Variants in MDN1 observed in about 807,000 individuals in gnomAD.
MDN1 encodes the protein midasin.
A neutral mutation model predicts 669.2 loss-of-function variants in MDN1; 266 were observed. The ratio of observed to expected loss-of-function variants is 0.40; its 90% CI spans 0.36 to 0.44. MDN1 has a LOEUF of 0.44. MDN1 is among the 20% of genes least tolerant of loss of function. MDN1 has a pLI of 1.00. For missense variants in MDN1, 5,940 were observed against 6,754.0 expected (o/e 0.88, Z 4.22); for synonymous variants, 2,385 against 2,457.1 (o/e 0.97, Z 0.87).
At chr6:89,707,075 G>A (rs1045508154) in intron 52 of MDN1, among the ~76,000 whole-genome samples, 3 of 152,144 alleles carry the variant, frequency 2.0e-5, no homozygotes, top group South Asian at 2.1e-4. Flanking sequence ...GAGCATCTCC[G>A]TGTCTCCGTT....
chr6:89,806,819 TGAG>T (rs1428129763), intron 1 of MDN1, among the ~76,000 whole-genome samples: 2 of 151,390 alleles, frequency 1.3e-5, no homozygotes, highest in African/African-American at 4.9e-5. Flanking sequence ...CTCTGGAGAG[TGAG>T]GAGAGGATCA....
rs780632430 is a variant in MDN1, at chr6:89,732,551, A to G, written c.4942+6T>C. The G allele has an allele frequency of 1.2e-6, 2 of 1,613,786 alleles. No individual in the cohort carries two copies. The highest frequency in any genetic ancestry group is 2.2e-5 in the South Asian group (2 of 91,060). ...CCTTGTCCCCACCAGCTACCAGACA[A>G]CATACCTGAACCTATTCCATCTATG... On this transcript the variant is annotated splice_donor_region_variant and intron_variant, in intron 34 of 101. Coordinates refer to ENST00000369393, the MANE Select transcript of MDN1 (RefSeq NM_014611.3).
chr6:89,718,359 T>C lies in MDN1; in HGVS notation c.6583+7A>G, dbSNP rs763655609. On this transcript the variant is annotated splice_region_variant and intron_variant, in intron 43 of 101. Transcript: ENST00000369393. ...AGTTCCTGATACAGAGATCCAAATA[T>C]ACATACCTGCCTTGCAGTATGAGTT... 1.2e-6 allele frequency: 2 copies of C among 1,612,320 alleles called. No individual in the cohort carries two copies. The highest frequency in any genetic ancestry group is 2.2e-5 in the East Asian group (1 of 44,882).
chr6:89,652,085 C>G, intron 95 of MDN1, 107 bp downstream of exon 95: 1 of 801,026 alleles, frequency 1.2e-6, no homozygotes, highest in Non-Finnish European at 2.0e-6. Context: ...TATGCCTGGT[C>G]CTTTTTGTTA....
Position 89,716,859 on chromosome 6 carries a change from A to G in MDN1, c.6584-50T>C, listed in dbSNP as rs959647130. The G allele has an allele frequency of 4.7e-6, 7 of 1,488,390 alleles. No individual in the cohort carries two copies. The South Asian group carries it at 7.0e-5, about 15-fold the overall frequency. 92.2% of individuals were successfully genotyped at this position (1,488,390 alleles called of 1,614,324 possible). On this transcript the variant is annotated intron_variant, in intron 43 of 101. Transcript: ENST00000369393. The stretch of plus-strand genomic sequence containing the variant: ...CCATCCACAGCACTTAACTTCAAAC[A>G]AAGAATTAAGTTTATGAAAAGGAAG...
At chr6:89,707,280 C>T in intron 52 of MDN1, 81 bp downstream of exon 52, 1 of 970,112 alleles carries the variant, frequency 1.0e-6, no homozygotes, top group Non-Finnish European at 1.6e-6. Flanking sequence ...ACAACAGCAG[C>T]TGCTGAATAT....
chr6:89,697,873 C>T (rs985555989), intron 59 of MDN1, among the ~76,000 whole-genome samples: 1 of 152,038 alleles, frequency 6.6e-6, no homozygotes, highest in Non-Finnish European at 1.5e-5. Context: ...TGAGCTACAG[C>T]GCCTGACCAA....
rs1374504861 is a variant in MDN1, at chr6:89,688,146, T to G, written c.11287A>C (p.Ser3763Arg). Reference protein sequence around the residue: ...QLLVVMDRIRSFPLSSPISKF... With the variant: ...QLLVVMDRIRRFPLSSPISKF... ...GAGATGGGACTGGAAAGTGGGAAAC[T>G]ACGAATTCTGTCCATTACAACCAGG... The change falls in exon 67 of 102, where the codon AGT (serine) becomes CGT (arginine). Residue 3763 changes from serine to arginine, a missense_variant. By Grantham distance (110) the Ser-to-Arg change is moderately radical. Coordinates refer to ENST00000369393, the MANE Select transcript of MDN1 (RefSeq NM_014611.3). The G allele has an allele frequency of 6.2e-7, 1 of 1,613,950 alleles. No individual in the cohort carries two copies. Among genetic ancestry groups the G allele is most frequent in the Non-Finnish European group, 8.5e-7 (1 of 1,179,984 alleles).
At chr6:89,815,214 G>T in intron 1 of MDN1, 1 of 388,070 alleles carries the variant, frequency 2.6e-6, no homozygotes, top group South Asian at 2.1e-5. Flanking sequence ...GCGGGAGACT[G>T]CCTTCCAGAG....
intron 44 of MDN1, 105 bp from the exon 45 acceptor site, chr6:89,715,874 G>A (rs1814335768): frequency 1.2e-5 from 9 of 760,902 alleles, no homozygotes; most frequent in African/African-American, 5.1e-5. Flanking sequence ...ATTTCCTTTC[G>A]GCACAATCAT....
chr6:89,751,325 A>T, intron 23 of MDN1, 106 bp downstream of exon 23: 1 of 1,354,208 alleles, frequency 7.4e-7, no homozygotes, highest in South Asian at 1.5e-5. Context: ...TCAGTTGGCC[A>T]ATGAATAAGA....
At chr6:89,692,363 A>T in intron 63 of MDN1, 80 bp downstream of exon 63, 1 of 1,266,720 alleles carries the variant, frequency 7.9e-7, no homozygotes, top group East Asian at 2.4e-5. Flanking sequence ...TAGGCATGCT[A>T]ATGTCCTGCA....
intron 31 of MDN1, among the ~76,000 whole-genome samples, chr6:89,741,716 G>A (rs1271990534): frequency 6.6e-6 from 1 of 152,156 alleles, no homozygotes; most frequent in Non-Finnish European, 1.5e-5. Flanking sequence ...CAGGTCTTAT[G>A]ATCCCATGAA....
chr6:89,709,119 A>G (rs911403442), intron 50 of MDN1, among the ~76,000 whole-genome samples: 10 of 152,194 alleles, frequency 6.6e-5, no homozygotes, highest in Non-Finnish European at 1.2e-4. Flanking sequence ...CTGCCCCACA[A>G]TCCTCTGGCT....
chr6:89,784,972 T>G (rs370232112), intron 9 of MDN1, 40 bp downstream of exon 9: 1 of 1,349,262 alleles, frequency 7.4e-7, no homozygotes, highest in Non-Finnish European at 1.1e-6. Context: ...CGGGAGCCAC[T>G]GCACCTGGCC....
At chr6:89,781,345 T>C in intron 10 of MDN1, 54 bp downstream of exon 10, 2 of 1,556,250 alleles carry the variant, frequency 1.3e-6, no homozygotes, top group Non-Finnish European at 1.8e-6. Flanking sequence ...AGCAGGAATC[T>C]GTCTCACAAA....
At position 89,643,859 on chromosome 6, in the gene MDN1, G is replaced by A. The variant is rs1808308128; in HGVS notation, c.*146C>T. On this transcript the variant is annotated 3_prime_UTR_variant, in exon 102 of 102. Transcript: ENST00000369393. ...TCAGCCCAGGCAAAGCCGGGAGCCAGAGAGCATTCTGTAGGCTGTAAGATC... is the reference window on the plus strand; with the variant it reads ...TCAGCCCAGGCAAAGCCGGGAGCCAAAGAGCATTCTGTAGGCTGTAAGATC... 1 of 717,088 alleles carries A rather than the reference G, an allele frequency of 1.4e-6. No individual in the cohort carries two copies. Among genetic ancestry groups the A allele is most frequent in the Admixed American group, 3.6e-5 (1 of 27,886 alleles). The allele number at this position is 717,088 out of a possible 1,614,324, so 44.4% of individuals were successfully genotyped here.
At chr6:89,727,323 C>A (rs1007273565) in intron 37 of MDN1, among the ~76,000 whole-genome samples, 1 of 152,194 alleles carries the variant, frequency 6.6e-6, no homozygotes, top group Admixed American at 6.5e-5. Flanking sequence ...ACACCCCAAA[C>A]TGACCCAGCT....
intron 16 of MDN1, among the ~76,000 whole-genome samples, 180 bp downstream of exon 16, chr6:89,762,139 C>T (rs1817576567): frequency 6.6e-6 from 1 of 152,166 alleles, no homozygotes; most frequent in Non-Finnish European, 1.5e-5. Context: ...ATCAGCATTA[C>T]CAGTCAACTG....
Sources: gnomAD v4.1 joint callset for allele counts (sites outside exome capture counted in the v4.1 genomes callset) on GRCh38, gnomAD v4.1.1 for gene constraint, MANE v1.5 for transcripts, NCBI Gene and HGNC (gene_info 2026-07-23, HGNC 2026-07-21) for gene names.